Variants in LOXL2 observed in about 807,000 individuals in gnomAD.
LOXL2 encodes the protein lysyl oxidase like 2, also known as lysyl oxidase homolog 2.
A neutral mutation model predicts 93.0 loss-of-function variants in LOXL2; 70 were observed. The ratio of observed to expected loss-of-function variants is 0.75; its 90% confidence interval spans 0.62 to 0.92. LOXL2 has a LOEUF of 0.92. LOXL2 is among the 40% of genes least tolerant of loss of function. The pLI is 0.00. For missense variants in LOXL2, 973 were observed against 1,054.9 expected (o/e 0.92, Z 1.08); for synonymous variants, 438 against 413.2 (o/e 1.06, Z -0.73).
intron 5 of LOXL2, among the ~76,000 whole-genome samples, chr8:23,330,251 G>A (rs1585352555): frequency 1.3e-5 from 2 of 152,268 alleles, no homozygotes; most frequent in South Asian, 2.1e-4. Context: ...GGAGAATGGC[G>A]TGAACCCGGG....
chr8:23,323,691 C>A (rs1173245070), intron 6 of LOXL2, among the ~76,000 whole-genome samples: 2 of 135,408 alleles, frequency 1.5e-5, no homozygotes, highest in African/African-American at 5.7e-5. Context: ...TTTGCCAGAT[C>A]GGGATTTTTT....
At chr8:23,383,691 T>C (rs1322640901) in intron 1 of LOXL2, among the ~76,000 whole-genome samples, 112 of 136,186 alleles carry the variant, frequency 8.2e-4, no homozygotes, top group Admixed American at 2.4e-3. Flanking sequence ...GACAGAGTCT[T>C]GCTCTGTCGT....
At chr8:23,360,517 GC>G (rs1340096541) in intron 2 of LOXL2, among the ~76,000 whole-genome samples, 1 of 152,190 alleles carries the variant, frequency 6.6e-6, no homozygotes, top group Non-Finnish European at 1.5e-5. Flanking sequence ...TTAGATTTAA[GC>G]CCAGAAGTTG....
chr8:23,332,918 G>C (rs71504405), intron 5 of LOXL2, among the ~76,000 whole-genome samples: 80,655 of 145,738 alleles, frequency 0.55, 22,465 homozygotes, highest in Non-Finnish European at 0.58. Flanking sequence ...CCCCCCCACA[G>C]AGGGGGGGTG....
chr8:23,370,025 G>A (rs1374008304), intron 1 of LOXL2, among the ~76,000 whole-genome samples: 1 of 152,172 alleles, frequency 6.6e-6, no homozygotes, highest in African/African-American at 2.4e-5. Context: ...GTTACTGCAA[G>A]CAAAGCCAGA....
intron 3 of LOXL2, among the ~76,000 whole-genome samples, chr8:23,354,287 C>T (rs1387184146): frequency 2.6e-5 from 4 of 152,178 alleles, no homozygotes; most frequent in African/African-American, 9.7e-5. Context: ...CAGCCCACAA[C>T]CTTGCAGACA....
chr8:23,379,222 G>A (rs1804636852), intron 1 of LOXL2, among the ~76,000 whole-genome samples: 1 of 151,656 alleles, frequency 6.6e-6, no homozygotes, highest in African/African-American at 2.4e-5. Flanking sequence ...GTTTGCCTGG[G>A]TATCAGCAGC....
chr8:23,300,745 TAAATC>T (rs983804345), intron 12 of LOXL2, among the ~76,000 whole-genome samples: 1 of 152,186 alleles, frequency 6.6e-6, no homozygotes, highest in African/African-American at 2.4e-5. Context: ...CTTGGGAGAT[TAAATC>T]AAACAATGCA....
intron 6 of LOXL2, among the ~76,000 whole-genome samples, 157 bp from the exon 7 acceptor site, chr8:23,322,438 CAG>C (rs1402422165): frequency 3.9e-5 from 6 of 152,192 alleles, no homozygotes; most frequent in Admixed American, 3.9e-4. Flanking sequence ...CTCTTCTCCC[CAG>C]AGAGAACAGT....
At position 23,379,199 on chromosome 8, in the gene LOXL2, C is replaced by T. The variant is rs540823448; in HGVS notation, c.-83-10765G>A. On this transcript the variant is annotated intron_variant, in intron 1 of 13. Transcript: ENST00000389131. Reference sequence around the variant, plus strand: ...GGTCTGTTGGAGTTTGCTGGAGGTCCACTCCAGACCCTGTTTGCCTGGGTA... The same window carrying T: ...GGTCTGTTGGAGTTTGCTGGAGGTCTACTCCAGACCCTGTTTGCCTGGGTA... 4.0e-4 allele frequency among the ~76,000 whole-genome samples: 61 copies of T among 152,286 alleles called. 1 individual carries two copies. Among genetic ancestry groups the T allele is most frequent in the African/African-American group, 1.3e-3 (54 of 41,538 alleles).
At chr8:23,303,734 G>A (rs1056604250) in intron 10 of LOXL2, among the ~76,000 whole-genome samples, 1 of 152,172 alleles carries the variant, frequency 6.6e-6, no homozygotes, top group Non-Finnish European at 1.5e-5. Context: ...TCCAGCTATT[G>A]TTTTTAATAA....
intron 9 of LOXL2, 23 bp from the exon 10 acceptor site, chr8:23,309,934 C>A: frequency 6.9e-7 from 1 of 1,443,340 alleles, no homozygotes; most frequent in Non-Finnish European, 9.2e-7. Context: ...GCATGCTGGT[C>A]AACAAGGCAA....
chr8:23,342,430 TTTC>T (rs200851195), intron 3 of LOXL2, among the ~76,000 whole-genome samples: 2,729 of 151,242 alleles, frequency 0.018, 94 homozygotes, highest in East Asian at 0.13. Flanking sequence ...CTTTTTTCTT[TTTC>T]TTTTTTTTTT....
At chr8:23,400,372 T>C (rs558366169) in intron 1 of LOXL2, among the ~76,000 whole-genome samples, 2 of 152,236 alleles carry the variant, frequency 1.3e-5, no homozygotes, top group African/African-American at 4.8e-5. Context: ...CAAGAGAGCA[T>C]GTACAGGGGA....
At chr8:23,397,452 C>T (rs1800104638) in intron 1 of LOXL2, among the ~76,000 whole-genome samples, 1 of 152,176 alleles carries the variant, frequency 6.6e-6, no homozygotes, top group African/African-American at 2.4e-5. Context: ...CCTAGATATG[C>T]TATTCTTGGG....
At chr8:23,303,966 T>C (rs1436037728) in intron 10 of LOXL2, among the ~76,000 whole-genome samples, 1 of 152,196 alleles carries the variant, frequency 6.6e-6, no homozygotes, top group Admixed American at 6.5e-5. Flanking sequence ...GTCGTGCCTG[T>C]GCTTCAGACC....
At position 23,341,204 on chromosome 8, in the gene LOXL2, C is replaced by T; in HGVS notation, c.532-1G>A. On this transcript the variant is annotated splice_acceptor_variant, in intron 3 of 13. Coordinates refer to ENST00000389131, the MANE Select transcript of LOXL2 (RefSeq NM_002318.3). LOFTEE classifies it high-confidence loss of function. ...TGTCCTCCACCTGGATATTCAGGTT[C>T]TGGGAAGAAAGAGGCGTGGAAGGAG... is the stretch of plus-strand genomic sequence containing the variant. 6.2e-7 allele frequency: 1 copy of T among 1,612,268 alleles called. No individual in the cohort carries two copies. The highest frequency in any genetic ancestry group is 8.5e-7 in the Non-Finnish European group (1 of 1,179,238).
At chr8:23,367,047 GTTTTGTT>G (rs1804413633) in intron 2 of LOXL2, among the ~76,000 whole-genome samples, 1 of 151,992 alleles carries the variant, frequency 6.6e-6, no homozygotes, top group Non-Finnish European at 1.5e-5. Context: ...TTGGGTTTTT[GTTTTGTT>G]TTTTGTTTTT....
intron 7 of LOXL2, chr8:23,321,755 A>G: frequency 5.2e-6 from 1 of 192,276 alleles, no homozygotes; most frequent in Non-Finnish European, 1.1e-5. Context: ...CTGAACATGA[A>G]TAGAGGAAAG....
Sources: gnomAD v4.1 joint callset for allele counts (sites outside exome capture counted in the v4.1 genomes callset) on GRCh38, gnomAD v4.1.1 for gene constraint, MANE v1.5 for transcripts, NCBI Gene and HGNC (gene_info 2026-07-23, HGNC 2026-07-21) for gene names.